DHX29: variants seen among roughly 807,000 people sequenced by gnomAD.
DHX29 encodes ATP-dependent RNA helicase DHX29.
In DHX29, 79 loss-of-function variants were observed where a neutral mutation model predicts 167.9. The observed-to-expected ratio is 0.47, with a 90% CI of 0.39 to 0.57. The LOEUF is 0.57. DHX29 is among the 20% of genes least tolerant of loss of function. DHX29 has a pLI of 0.00. For missense variants in DHX29, 1,347 were observed against 1,593.4 expected (o/e 0.85, Z 2.63); for synonymous variants, 530 against 546.0 (o/e 0.97, Z 0.41).
At chr5:55,260,948 T>G (rs1746286352) in intron 25 of DHX29, among the ~76,000 whole-genome samples, 1 of 152,190 alleles carries the variant, frequency 6.6e-6, no homozygotes, top group Admixed American at 6.5e-5. Flanking sequence ...TAAATTTGGG[T>G]ATCAAATAGT....
intron 24 of DHX29, among the ~76,000 whole-genome samples, chr5:55,262,198 G>T (rs1746344528): frequency 6.6e-6 from 1 of 152,096 alleles, no homozygotes; most frequent in Non-Finnish European, 1.5e-5. Flanking sequence ...ATAAATATTT[G>T]CTATTAAATT....
Position 55,259,941 on chromosome 5 carries a change from G to C in DHX29, c.3964C>G (p.Pro1322Ala), listed in dbSNP as rs1409642449. The change falls in exon 26 of 27, where the codon CCT becomes GCT. Residue 1322 changes from proline to alanine, a missense_variant. Pro to Ala is a conservative substitution (Grantham distance 27, BLOSUM62 -1). Around this residue, in one of 3 missense-constraint regions of DHX29, gnomAD observed 882 missense variants for 1,082.4 expected, o/e 0.81. Coordinates refer to ENST00000251636, the MANE Select transcript of DHX29 (RefSeq NM_019030.4). ...SIDGWIYFQA[P>A]VKIAVIFKQL... The stretch of plus-strand genomic sequence containing the variant: ...TTGAAAATGACAGCTATCTTTACAG[G>C]GGCCTGTTAAGAGGAGTTGAAAAAA... 6.2e-7 allele frequency: 1 copy of C among 1,603,948 alleles called. No homozygotes were observed. The highest frequency in any genetic ancestry group is 8.5e-7 in the Non-Finnish European group (1 of 1,171,524).
chr5:55,283,435 C>T lies in DHX29; in HGVS notation c.1733G>A (p.Arg578Gln), dbSNP rs750792920. ...ERQQLPVFKH[R>Q]DSIVETLKRH... ...TTTAAGAGTTTCAACAATTGAGTCC[C>T]GATGTTTAAATACAGGTAGCTGTTG... The change falls in exon 11 of 27, where the codon CGG (arginine) becomes CAG (glutamine). Residue 578 changes from arginine to glutamine, a missense_variant. Physicochemically the swap from Arg to Gln is conservative, Grantham distance 43. Coordinates refer to ENST00000251636, the MANE Select transcript of DHX29 (RefSeq NM_019030.4). 33 of 1,614,038 alleles carry T rather than the reference C, an allele frequency of 2.0e-5. No individual in the cohort carries two copies. The highest frequency in any genetic ancestry group is 2.5e-5 in the Non-Finnish European group (29 of 1,180,026).
chr5:55,256,613 A>G (rs1323934616), intron 26 of DHX29, 73 bp from the exon 27 acceptor site: 23 of 1,419,768 alleles, frequency 1.6e-5, no homozygotes, highest in South Asian at 6.6e-5. Context: ...GCACATGTAA[A>G]TAAGAGGTAT....
chr5:55,268,808 G>C (rs1233543413), intron 21 of DHX29, among the ~76,000 whole-genome samples: 1 of 151,736 alleles, frequency 6.6e-6, no homozygotes, highest in Non-Finnish European at 1.5e-5. Context: ...CAGAGAGAGA[G>C]GACAAAAAAG....
At chr5:55,256,942 T>C (rs1383924759) in intron 26 of DHX29, among the ~76,000 whole-genome samples, 1 of 152,208 alleles carries the variant, frequency 6.6e-6, no homozygotes, top group Non-Finnish European at 1.5e-5. Context: ...TCAGTGTTCT[T>C]CAGAGTATGG....
intron 26 of DHX29, 125 bp from the exon 27 acceptor site, chr5:55,256,665 C>A: frequency 1.4e-6 from 1 of 703,850 alleles, no homozygotes; most frequent in East Asian, 3.0e-5. Context: ...GAATTAACAC[C>A]AGTAATAAAA....
intron 23 of DHX29, among the ~76,000 whole-genome samples, chr5:55,265,087 GAAAAAAGA>G (rs1746490404): frequency 3.0e-5 from 1 of 33,042 alleles, no homozygotes; most frequent in African/African-American, 7.8e-5. Flanking sequence ...CTGAAAAAAA[GAAAAAAGA>G]AAAAAAAAAA....
Position 55,295,232 on chromosome 5 carries a change from C to T in DHX29, c.651+147G>A, listed in dbSNP as rs1748253518. 2.3e-5 allele frequency: 15 copies of T among 640,968 alleles called. No individual in the cohort carries two copies. In the South Asian group the frequency reaches 3.1e-4, roughly 13 times the overall value. The allele number at this position is 640,968 out of a possible 1,614,324, so 39.7% of individuals were successfully genotyped here. On this transcript the variant is annotated intron_variant, in intron 5 of 26. Coordinates refer to ENST00000251636, the MANE Select transcript of DHX29 (RefSeq NM_019030.4). ...GGAGTGGTTTGTTATATAACTAAAACAAGCAATGATAGAAAAGTCTAGCAA... is the reference window on the plus strand; with the variant it reads ...GGAGTGGTTTGTTATATAACTAAAATAAGCAATGATAGAAAAGTCTAGCAA...
rs575468919 is a variant in DHX29, at chr5:55,266,331, C to T, written c.3525+807G>A. Among the ~76,000 whole-genome samples, 17 of 140,644 alleles carry T rather than the reference C, an allele frequency of 1.2e-4. 1 individual carries two copies. In the South Asian group the frequency reaches 2.5e-3, roughly 21 times the overall value. The allele number at this position is 140,644 out of a possible 152,430, so 92.3% of individuals were successfully genotyped here. A position where few individuals can be genotyped will look rare whatever the true frequency, so the allele number is the denominator to read the frequency against. On this transcript the variant is annotated intron_variant, in intron 23 of 26. Transcript: ENST00000251636. The stretch of plus-strand genomic sequence containing the variant: ...TTTTGTTTTTTTTTTTTTTTTGAGA[C>T]GGAGTTTTGCTCTTGTTGCCCAGGC...
chr5:55,276,115 G>A lies in DHX29; in HGVS notation c.2427+151C>T, dbSNP rs1284376717. 5.0e-6 allele frequency: 3 copies of A among 601,596 alleles called. No individual in the cohort carries two copies. The African/African-American group carries it at 5.8e-5, about 12-fold the overall frequency. 37.3% of individuals were successfully genotyped at this position (601,596 alleles called of 1,614,324 possible). A position where few individuals can be genotyped will look rare whatever the true frequency, so the allele number is the denominator to read the frequency against. ...TCTATGAAATAAAGATTAAAGAAATGACCTTTAAAATTTGTTCATTCTCAG... is the reference window on the plus strand; with the variant it reads ...TCTATGAAATAAAGATTAAAGAAATAACCTTTAAAATTTGTTCATTCTCAG... On this transcript the variant is annotated intron_variant, in intron 14 of 26. Transcript: ENST00000251636.
Position 55,256,521 on chromosome 5 carries a change from G to T in DHX29, c.4077C>A (p.Ile1359=). 6.3e-7 allele frequency: 1 copy of T among 1,590,902 alleles called. No homozygotes were observed. The highest frequency in any genetic ancestry group is 1.2e-5 in the South Asian group (1 of 85,762). Residue 1359 remains isoleucine (I), a synonymous_variant, in exon 27 of 27, where the codon ATC becomes ATA. Transcript: ENST00000251636. ...MSLENDKILQ[I]ITELIKTENN ...TCTCTGTTTTTATCAATTCCGTAATGATCTGCAGAATCTTGTCATCTGAGT... is the reference window on the plus strand; with the variant it reads ...TCTCTGTTTTTATCAATTCCGTAATTATCTGCAGAATCTTGTCATCTGAGT...
rs780981724 is a variant in DHX29, at chr5:55,281,332, A to T, written c.2109+40T>A. ...GGAGTAACATCTTTTTAATACAAAA[A>T]TATTTCAAATTTTTGAATACAACTA... On this transcript the variant is annotated intron_variant, in intron 12 of 26. Coordinates refer to ENST00000251636, the MANE Select transcript of DHX29 (RefSeq NM_019030.4). 4 of 1,455,122 alleles carry T rather than the reference A, an allele frequency of 2.7e-6. No individual in the cohort carries two copies. In the African/African-American group the frequency reaches 4.4e-5, roughly 16 times the overall value. The allele number at this position is 1,455,122 out of a possible 1,614,324, so 90.1% of individuals were successfully genotyped here. A position where few individuals can be genotyped will look rare whatever the true frequency, so the allele number is the denominator to read the frequency against.
At chr5:55,283,105 T>G in intron 11 of DHX29, 98 bp downstream of exon 11, 1 of 1,373,348 alleles carries the variant, frequency 7.3e-7, no homozygotes, top group Non-Finnish European at 9.7e-7. Flanking sequence ...CCAATAGCAG[T>G]GAAAACTCAC....
intron 12 of DHX29, among the ~76,000 whole-genome samples, chr5:55,280,981 A>G (rs572722476): frequency 3.3e-5 from 5 of 152,062 alleles, no homozygotes; most frequent in African/African-American, 1.2e-4. Context: ...CTGACTCCCC[A>G]AACAGTGCAG....
rs764248760 is a variant in DHX29 at position 55,307,596 on chromosome 5, C to T, written c.-23G>A. ...CATGTTGCAGCTGTGGCAGAAGATC[C>T]TTCGCGGCCCAGGCCCCGACGGTAC... On this transcript the variant is annotated 5_prime_UTR_variant, in exon 1 of 27. Coordinates refer to ENST00000251636, the MANE Select transcript of DHX29 (RefSeq NM_019030.4). 2.5e-6 allele frequency: 4 copies of T among 1,611,670 alleles called. No homozygotes were observed. Among genetic ancestry groups the T allele is most frequent in the African/African-American group, 2.7e-5 (2 of 74,864 alleles).
intron 23 of DHX29, among the ~76,000 whole-genome samples, chr5:55,264,261 C>G (rs557623853): frequency 5.3e-5 from 8 of 152,270 alleles, no homozygotes; most frequent in Admixed American, 1.3e-4. Context: ...TACATTTTAA[C>G]TACACTTCTA....
intron 1 of DHX29, among the ~76,000 whole-genome samples, chr5:55,303,593 A>C (rs978535842): frequency 6.6e-6 from 1 of 152,192 alleles, no homozygotes; most frequent in Non-Finnish European, 1.5e-5. Flanking sequence ...CCCACTTCCC[A>C]TTGAACTTGC....
chr5:55,290,892 A>C (rs112275843), intron 6 of DHX29, among the ~76,000 whole-genome samples: 2 of 152,058 alleles, frequency 1.3e-5, no homozygotes, highest in Non-Finnish European at 2.9e-5. Context: ...GTGGATGCCT[A>C]TAATCCCAGC....
Sources: gnomAD v4.1 joint callset for allele counts (sites outside exome capture counted in the v4.1 genomes callset) on GRCh38, gnomAD v4.1.1 for gene constraint, gnomAD v4.1.1 regional missense constraint, MANE v1.5 for transcripts, NCBI Gene and HGNC (gene_info 2026-07-23, HGNC 2026-07-21) for gene names.